FOXP2: variants seen among roughly 807,000 people sequenced by gnomAD.
The protein encoded by FOXP2 is forkhead box P2.
In FOXP2, 12 loss-of-function variants were observed where a neutral mutation model predicts 115.8. The ratio of observed to expected loss-of-function variants is 0.10; its 90% CI spans 0.07 to 0.17. The LOEUF is 0.17. Among genes scored for constraint, FOXP2 ranks in the 10% least tolerant of loss-of-function variants. FOXP2 has a pLI of 1.00. For missense variants in FOXP2, 629 were observed against 843.5 expected, an observed-to-expected ratio of 0.75 and a Z score of 3.15; for synonymous variants, 328 against 297.7, an observed-to-expected ratio of 1.10 and a Z score of -1.05.
chr7:114,197,447 C>A (rs1466073362), intron 1 of FOXP2, among the ~76,000 whole-genome samples: 1 of 152,160 alleles, frequency 6.6e-6, no homozygotes, highest in Admixed American at 6.5e-5. Context: ...AGTTTGAGGG[C>A]TCTGTGTCTC....
chr7:114,192,905 T>G (rs1793800411), intron 1 of FOXP2, among the ~76,000 whole-genome samples: 1 of 152,210 alleles, frequency 6.6e-6, no homozygotes, highest in African/African-American at 2.4e-5. Context: ...CTATGGACTG[T>G]GTTCAAGTGA....
At chr7:114,248,354 C>G (rs1187943489) in intron 1 of FOXP2, among the ~76,000 whole-genome samples, 2 of 152,176 alleles carry the variant, frequency 1.3e-5, no homozygotes, top group East Asian at 3.9e-4. Flanking sequence ...CCAGAAACCC[C>G]TCAGAGACAC....
intron 2 of FOXP2, among the ~76,000 whole-genome samples, chr7:114,467,077 C>T (rs1392376616): frequency 1.3e-5 from 2 of 152,124 alleles, no homozygotes; most frequent in Non-Finnish European, 2.9e-5. Context: ...GGTGGTTTCT[C>T]TTTTTCCATA....
At chr7:114,523,014 TTTC>T (rs1798696676) in intron 2 of FOXP2, among the ~76,000 whole-genome samples, 1 of 151,876 alleles carries the variant, frequency 6.6e-6, no homozygotes, top group African/African-American at 2.4e-5. Flanking sequence ...TATAAATGCA[TTTC>T]TTCTTTCATT....
intron 2 of FOXP2, among the ~76,000 whole-genome samples, chr7:114,479,909 C>T (rs1365650495): frequency 2.6e-5 from 4 of 151,434 alleles, no homozygotes; most frequent in Admixed American, 6.6e-5. Context: ...TCAGCCATTA[C>T]ATCCTGATCA....
chr7:114,663,133 TG>T (rs1806965617), intron 14 of FOXP2, among the ~76,000 whole-genome samples: 1 of 152,146 alleles, frequency 6.6e-6, no homozygotes, highest in Non-Finnish European at 1.5e-5. Context: ...TTAAAAATTT[TG>T]TATGAATGTT....
chr7:114,645,582 G>C (rs1309631235), intron 8 of FOXP2: 1 of 152,130 alleles, frequency 6.6e-6, no homozygotes, highest in Non-Finnish European at 1.5e-5. Context: ...TTATGGAGAT[G>C]AGTAACTTCA....
At chr7:114,520,487 A>G (rs1402301568) in intron 2 of FOXP2, among the ~76,000 whole-genome samples, 1 of 152,088 alleles carries the variant, frequency 6.6e-6, no homozygotes, top group Non-Finnish European at 1.5e-5. Context: ...CTTTGTCTAC[A>G]TTTTTATCTC....
At chr7:114,296,341 A>C (rs1796741099) in intron 2 of FOXP2, among the ~76,000 whole-genome samples, 2 of 152,272 alleles carry the variant, frequency 1.3e-5, no homozygotes, top group South Asian at 4.1e-4. Context: ...AAATGAATGG[A>C]TTTGCCAGAG....
intron 2 of FOXP2, among the ~76,000 whole-genome samples, chr7:114,337,528 G>A (rs1473342565): frequency 1.3e-5 from 2 of 151,056 alleles, no homozygotes; most frequent in Admixed American, 1.3e-4. Flanking sequence ...TTAAAACAAA[G>A]AGGAGAGTGG....
intron 6 of FOXP2, among the ~76,000 whole-genome samples, chr7:114,636,330 A>T (rs1205800456): frequency 6.6e-6 from 1 of 152,166 alleles, no homozygotes; most frequent in Admixed American, 6.5e-5. Context: ...CACATCTTAA[A>T]ATACAAAATT....
intron 1 of FOXP2, among the ~76,000 whole-genome samples, chr7:114,258,394 A>T (rs1407112414): frequency 5.9e-5 from 9 of 152,172 alleles, no homozygotes; most frequent in African/African-American, 2.2e-4. Context: ...TATGTCAATT[A>T]TCTGGTGAAA....
At chr7:114,148,166 T>G (rs548344168) in intron 1 of FOXP2, among the ~76,000 whole-genome samples, 59 of 152,248 alleles carry the variant, frequency 3.9e-4, no homozygotes, top group African/African-American at 1.4e-3. Context: ...ATTGTGTGAA[T>G]TGCGGGGATT....
intron 1 of FOXP2, among the ~76,000 whole-genome samples, chr7:114,193,126 T>A (rs901880455): frequency 6.6e-6 from 1 of 152,092 alleles, no homozygotes; most frequent in African/African-American, 2.4e-5. Context: ...ATAAAAGACT[T>A]TCCTATACTT....
intron 2 of FOXP2, among the ~76,000 whole-genome samples, chr7:114,450,887 A>T (rs1795045170): frequency 6.6e-6 from 1 of 152,100 alleles, no homozygotes; most frequent in African/African-American, 2.4e-5. Flanking sequence ...TATATTTATG[A>T]CTTTTTGAAC....
chr7:114,630,893 T>C (rs1370431445), intron 5 of FOXP2: 3 of 153,116 alleles, frequency 2.0e-5, no homozygotes, highest in African/African-American at 7.2e-5. Context: ...CTCTGAAGTG[T>C]GACTGCCATC....
intron 2 of FOXP2, among the ~76,000 whole-genome samples, chr7:114,322,721 G>T (rs922327830): frequency 4.0e-5 from 6 of 151,898 alleles, no homozygotes; most frequent in African/African-American, 1.5e-4. Flanking sequence ...AAAAAATGTG[G>T]TACTTTATCT....
In FOXP2 at chr7:114,691,917, C is replaced by G. The variant is rs1161256608; in HGVS notation, c.*1991C>G. The G allele has an allele frequency of 2.4e-6, 1 of 409,144 alleles. No individual in the cohort carries two copies. Among genetic ancestry groups the G allele is most frequent in the Non-Finnish European group, 4.6e-6 (1 of 215,714 alleles). 25.3% of individuals were successfully genotyped at this position (409,144 alleles called of 1,614,324 possible). ...ACTTACCCAAAAGGCTTTCTGAAAG[C>G]TTCTACCTCTGCAAAAAAAAAAAAA... On this transcript the variant is annotated 3_prime_UTR_variant, in exon 17 of 17. Coordinates refer to ENST00000350908, the MANE Select transcript of FOXP2 (RefSeq NM_014491.4).
upstream of FOXP2, among the ~76,000 whole-genome samples, chr7:114,158,991 A>G (rs1792750484): frequency 6.6e-6 from 1 of 152,152 alleles, no homozygotes; most frequent in Non-Finnish European, 1.5e-5. Context: ...AGATTGTATA[A>G]CCAGTAGGTA....
Sources: allele counts gnomAD v4.1 joint callset (sites outside exome capture counted in the v4.1 genomes callset), GRCh38; gene constraint gnomAD v4.1.1; transcripts MANE v1.5; gene names NCBI Gene and HGNC (gene_info 2026-07-23, HGNC 2026-07-21).